The following SAMSN1 variants were observed in gnomAD, a reference collection of about 807,000 sequenced individuals.
SAMSN1 encodes the protein SAM domain, SH3 domain and nuclear localization signals 1, also known as SAM domain-containing protein SAMSN-1.
SAMSN1 carries 31 observed loss-of-function variants against 42.0 expected under a neutral mutation model. That is an observed-to-expected ratio of 0.74 (90% CI 0.55 to 1.00). The LOEUF (loss-of-function observed/expected upper bound fraction) is 1.00, where lower values mean the gene tolerates loss of function less well. SAMSN1 is among the 50% of genes least tolerant of loss of function. The pLI is 0.00. For synonymous variants in SAMSN1, 178 were observed against 151.9 expected, an observed-to-expected ratio of 1.17 and a Z score of -1.26; for missense variants, 464 against 439.4, an observed-to-expected ratio of 1.06 and a Z score of -0.50.
At chr21:14,580,578 AAAG>A (rs1181481887) in intron 2 of SAMSN1, among the ~76,000 whole-genome samples, 3 of 152,248 alleles carry the variant, frequency 2.0e-5, no homozygotes, top group South Asian at 2.1e-4. Context: ...GATGAAGATT[AAAG>A]AAGAAGGAGG....
intron 7 of SAMSN1, among the ~76,000 whole-genome samples, chr21:14,590,822 T>C (rs945994220): frequency 2.0e-5 from 3 of 152,210 alleles, no homozygotes; most frequent in African/African-American, 7.2e-5. Context: ...TTTCCTCCTA[T>C]ATAAAAGTGA....
At chr21:14,543,145 A>T (rs981461377) in intron 1 of SAMSN1, among the ~76,000 whole-genome samples, 1 of 152,232 alleles carries the variant, frequency 6.6e-6, no homozygotes, top group Non-Finnish European at 1.5e-5. Flanking sequence ...TTAACATTCC[A>T]GTACATGCAA....
chr21:14,512,485 C>T lies in SAMSN1; in HGVS notation c.368G>A (p.Ser123Asn), dbSNP rs1461208882. ...THTEKVSLKA[S>N]DSMDSLYSGQ... is the part of the protein sequence containing the mutation. ...ACTGTAGAGACTATCCATGGAGTCA[C>T]TGGCTTTGAGGGACACCTTCTCTGT... Residue 123 changes from serine (S) to asparagine (N), a missense_variant, in exon 4 of 8, where the codon AGT (serine) becomes AAT (asparagine). Coordinates refer to ENST00000400566, the MANE Select transcript of SAMSN1 (RefSeq NM_022136.5). 2 of 1,614,028 alleles carry T rather than the reference C, an allele frequency of 1.2e-6. No individual in the cohort carries two copies. The highest frequency in any genetic ancestry group is 1.7e-6 in the Non-Finnish European group (2 of 1,179,918).
intron 1 of SAMSN1, among the ~76,000 whole-genome samples, chr21:14,545,723 A>C (rs1444119383): frequency 3.3e-5 from 5 of 152,174 alleles, no homozygotes; most frequent in Non-Finnish European, 7.4e-5. Flanking sequence ...ACGAGCTATC[A>C]TGATTTAACA....
rs1349326303 is a variant in SAMSN1 at position 14,577,384 on chromosome 21, A to G, written c.261+4752T>C. On this transcript the variant is annotated intron_variant, in intron 2 of 8. Transcript: ENST00000285670. Reference sequence around the variant, plus strand: ...TGCCTCAGCCTCCCAAAGTGCTGAGATTACAGGTGTAAGCCACCACACCTG... The same window carrying G: ...TGCCTCAGCCTCCCAAAGTGCTGAGGTTACAGGTGTAAGCCACCACACCTG... Among the ~76,000 whole-genome samples the G allele has an allele frequency of 3.4e-5, 5 of 148,172 alleles. No individual in the cohort carries two copies. The Admixed American group carries it at 3.4e-4, about 10-fold the overall frequency.
At chr21:14,619,379 G>T (rs966024051) in intron 2 of SAMSN1, among the ~76,000 whole-genome samples, 2 of 152,168 alleles carry the variant, frequency 1.3e-5, no homozygotes, top group Non-Finnish European at 2.9e-5. Context: ...AAATCCCATG[G>T]TGAATTTTTA....
chr21:14,516,887 T>G lies in SAMSN1; in HGVS notation c.279+5A>C. 3.1e-6 allele frequency: 5 copies of G among 1,599,436 alleles called. No homozygotes were observed. Among genetic ancestry groups the G allele is most frequent in the Middle Eastern group, 1.7e-4 (1 of 5,964 alleles). On this transcript the variant is annotated splice_donor_5th_base_variant and intron_variant, in intron 3 of 7. Transcript: ENST00000400566. ...AAATACAAATGATTATCAGAGAATA[T>G]TTACCTTTTCCTCAGAAAGGGCTTT... is the stretch of plus-strand genomic sequence containing the variant.
intron 2 of SAMSN1, among the ~76,000 whole-genome samples, chr21:14,576,895 G>T (rs1420215600): frequency 1.3e-5 from 2 of 151,442 alleles, no homozygotes; most frequent in African/African-American, 4.9e-5. Flanking sequence ...CTGTTCTTTT[G>T]GGTCTTTGAC....
Position 14,643,222 on chromosome 21 carries a change from G to T in SAMSN1, c.25-89C>A, listed in dbSNP as rs964376775. 6.2e-6 allele frequency: 4 copies of T among 645,124 alleles called. No individual in the cohort carries two copies. The Admixed American group carries it at 1.0e-4, about 16-fold the overall frequency. 40.0% of individuals were successfully genotyped at this position (645,124 alleles called of 1,614,324 possible). On this transcript the variant is annotated intron_variant, in intron 1 of 15. Transcript: ENST00000647101. ...TAATTTATACACCCACCTTTATATA[G>T]TACTTTATTTAAATTATCCTGGGCA...
Position 14,628,486 on chromosome 21 carries a change from G to T in SAMSN1, c.157-12470C>A, listed in dbSNP as rs144536476. On this transcript the variant is annotated intron_variant, in intron 2 of 15. Coordinates refer to the SAMSN1 transcript ENST00000647101. ...AAAGTTCATAGACTAATTTTTCAGT[G>T]TATCTAAGGCAATCAGAGAGATGAA... is the stretch of plus-strand genomic sequence containing the variant. Among the ~76,000 whole-genome samples the T allele has an allele frequency of 4.6e-3, 696 of 152,166 alleles. 3 individuals carry two copies. The highest frequency in any genetic ancestry group is 0.016 in the African/African-American group (651 of 41,500).
intron 5 of SAMSN1, among the ~76,000 whole-genome samples, chr21:14,502,299 G>A (rs974740737): frequency 6.6e-6 from 1 of 152,074 alleles, no homozygotes; most frequent in Non-Finnish European, 1.5e-5. Flanking sequence ...TAGGTTGGAT[G>A]GTATCAGCTA....
intron 1 of SAMSN1, among the ~76,000 whole-genome samples, chr21:14,545,120 C>G (rs1163670914): frequency 6.6e-6 from 1 of 152,004 alleles, no homozygotes; most frequent in African/African-American, 2.4e-5. Flanking sequence ...GCATATGTGT[C>G]AGAAAGAATT....
At chr21:14,628,697 T>A (rs1489919746) in intron 2 of SAMSN1, among the ~76,000 whole-genome samples, 1 of 152,148 alleles carries the variant, frequency 6.6e-6, no homozygotes, top group Non-Finnish European at 1.5e-5. Context: ...CAAAGGGGAA[T>A]GTTGGTAAAT....
chr21:14,582,454 T>C, exon 2 of SAMSN1: 3 of 1,461,046 alleles, frequency 2.1e-6, no homozygotes, highest in South Asian at 2.5e-5. Flanking sequence ...ACTTGGTTAA[T>C]TTCAAACAAG....
chr21:14,504,040 C>T (rs1385177966), intron 5 of SAMSN1, among the ~76,000 whole-genome samples: 1 of 152,074 alleles, frequency 6.6e-6, no homozygotes, highest in Non-Finnish European at 1.5e-5. Flanking sequence ...AAGCCTCATC[C>T]ATAGGAAGAG....
intron 7 of SAMSN1, among the ~76,000 whole-genome samples, chr21:14,497,129 G>A (rs181316622): frequency 2.8e-4 from 42 of 152,224 alleles, no homozygotes; most frequent in Admixed American, 2.4e-3. Flanking sequence ...ACTTCACTAA[G>A]GGAGTGTTCT....
intron 1 of SAMSN1, 117 bp downstream of exon 1, chr21:14,546,088 C>A (rs993807153): frequency 1.0e-5 from 9 of 864,352 alleles, no homozygotes; most frequent in African/African-American, 3.4e-5. Context: ...AGGCATTAAA[C>A]CCTATGTTTG....
At chr21:14,590,640 C>G (rs1982055192) in intron 7 of SAMSN1, among the ~76,000 whole-genome samples, 1 of 152,110 alleles carries the variant, frequency 6.6e-6, no homozygotes, top group Non-Finnish European at 1.5e-5. Flanking sequence ...ATAATCCAAT[C>G]TATCCTTGCT....
At position 14,594,100 on chromosome 21, in the gene SAMSN1, T is replaced by A. The variant is rs460852; in HGVS notation, c.400-22A>T. On this transcript the variant is annotated intron_variant, in intron 6 of 15. Transcript: ENST00000647101. Reference sequence around the variant, plus strand: ...TCACCTTAGAAATTAGAAAAGGAAATAGAGACAACTAATGTTAACATTCTT... The same window carrying A: ...TCACCTTAGAAATTAGAAAAGGAAAAAGAGACAACTAATGTTAACATTCTT... The A allele has an allele frequency of 0.75, 513,413 of 684,098 alleles. 195,396 individuals are homozygous for A. The highest frequency in any genetic ancestry group is 0.9 in the African/African-American group (50,165 of 55,964). The allele number at this position is 684,098 out of a possible 1,614,324, so 42.4% of individuals were successfully genotyped here.
Sources: gnomAD v4.1 joint callset for allele counts (sites outside exome capture counted in the v4.1 genomes callset) on GRCh38, gnomAD v4.1.1 for gene constraint, MANE v1.5 for transcripts, NCBI Gene and HGNC (gene_info 2026-07-23, HGNC 2026-07-21) for gene names.